GABRB2: variants seen among roughly 807,000 people sequenced by gnomAD.
The protein encoded by GABRB2 is gamma-aminobutyric acid receptor subunit beta-2.
GABRB2 carries 16 observed loss-of-function variants against 54.7 expected under a neutral mutation model. The observed-to-expected ratio is 0.29, with a 90% CI of 0.20 to 0.44. The LOEUF is 0.44. GABRB2 is among the 20% of genes least tolerant of loss of function. The pLI, the probability that GABRB2 is intolerant of heterozygous loss-of-function variation, is 1.00. For missense variants in GABRB2, 355 were observed against 644.0 expected, an observed-to-expected ratio of 0.55 and a Z score of 4.86; for synonymous variants, 244 against 233.8, an observed-to-expected ratio of 1.04 and a Z score of -0.40.
chr5:161,305,001 A>ATT lies in GABRB2; in HGVS notation c.1192-10575_1192-10574dup, dbSNP rs544511446. Among the ~76,000 whole-genome samples, 165 of 95,176 alleles carry ATT rather than the reference A, an allele frequency of 1.7e-3. 4 individuals are homozygous for ATT. Among genetic ancestry groups the ATT allele is most frequent in the Non-Finnish European group, 2.5e-3 (129 of 51,186 alleles). 62.4% of individuals were successfully genotyped at this position (95,176 alleles called of 152,430 possible). The stretch of plus-strand genomic sequence containing the variant: ...AGAAAACTATATTTATGATATATCA[A>ATT]TTTTTTTTTTTTTTTTTTTTTTTTT... On this transcript the variant is annotated intron_variant, in intron 9 of 9. Coordinates refer to ENST00000393959, the MANE Select transcript of GABRB2 (RefSeq NM_001371727.1).
chr5:161,343,201 T>C (rs1224648141), intron 5 of GABRB2, among the ~76,000 whole-genome samples: 1 of 151,976 alleles, frequency 6.6e-6, no homozygotes, highest in Non-Finnish European at 1.5e-5. Context: ...GCTCTTTAGA[T>C]GAACTGCTAG....
Position 161,464,317 on chromosome 5 carries a change from G to A in GABRB2, c.238-4473C>T, listed in dbSNP as rs114251939. ...ACACTTAACCAAAGATACAAATATAGTAAATAAGTTTATAAAATGATGCTC... is the reference window on the plus strand; with the variant it reads ...ACACTTAACCAAAGATACAAATATAATAAATAAGTTTATAAAATGATGCTC... On this transcript the variant is annotated intron_variant, in intron 3 of 9. Coordinates refer to ENST00000393959, the MANE Select transcript of GABRB2 (RefSeq NM_001371727.1). Among the ~76,000 whole-genome samples, 373 of 152,032 alleles carry A rather than the reference G, an allele frequency of 2.5e-3. 3 individuals are homozygous for A. Among genetic ancestry groups the A allele is most frequent in the African/African-American group, 8.8e-3 (364 of 41,538 alleles).
chr5:161,445,429 A>G (rs1362487241), intron 4 of GABRB2, among the ~76,000 whole-genome samples: 1 of 151,268 alleles, frequency 6.6e-6, no homozygotes, highest in Non-Finnish European at 1.5e-5. Flanking sequence ...AAGCCCCCCA[A>G]TCCCCACCAT....
chr5:161,331,477 T>C (rs1431335645), intron 7 of GABRB2, among the ~76,000 whole-genome samples: 1 of 152,080 alleles, frequency 6.6e-6, no homozygotes. Context: ...GTGCCAGGGA[T>C]GAGGTTAGGA....
intron 3 of GABRB2, among the ~76,000 whole-genome samples, chr5:161,467,479 T>C (rs541135247): frequency 6.6e-5 from 10 of 152,210 alleles, no homozygotes; most frequent in African/African-American, 2.4e-4. Context: ...GCAAGTGTTA[T>C]TTAATTTAAA....
intron 3 of GABRB2, among the ~76,000 whole-genome samples, chr5:161,489,345 T>C (rs1314885328): frequency 2.6e-5 from 4 of 151,702 alleles, no homozygotes; most frequent in African/African-American, 4.8e-5. Flanking sequence ...ATGGGTAACA[T>C]TGATTTAGCT....
At chr5:161,421,492 G>A (rs1023466584) in intron 4 of GABRB2, among the ~76,000 whole-genome samples, 1 of 152,184 alleles carries the variant, frequency 6.6e-6, no homozygotes, top group Non-Finnish European at 1.5e-5. Context: ...TAAGGCACTT[G>A]CTGAAAGTTC....
At chr5:161,487,296 C>A (rs1339345472) in intron 3 of GABRB2, among the ~76,000 whole-genome samples, 4 of 151,838 alleles carry the variant, frequency 2.6e-5, no homozygotes, top group African/African-American at 4.8e-5. Flanking sequence ...ATCACAGAGA[C>A]CTTCAATACT....
chr5:161,358,666 C>A (rs1378101834), intron 5 of GABRB2, among the ~76,000 whole-genome samples: 3 of 152,010 alleles, frequency 2.0e-5, no homozygotes, highest in Non-Finnish European at 4.4e-5. Flanking sequence ...GGTGTGGATT[C>A]TGGTAGGTGG....
At chr5:161,343,048 A>G (rs1479321400) in intron 5 of GABRB2, among the ~76,000 whole-genome samples, 1 of 152,042 alleles carries the variant, frequency 6.6e-6, no homozygotes, top group Non-Finnish European at 1.5e-5. Flanking sequence ...AGTCAATGCC[A>G]ATTAGAGTCA....
intron 3 of GABRB2, among the ~76,000 whole-genome samples, chr5:161,500,398 G>A (rs1476781239): frequency 6.6e-6 from 1 of 152,144 alleles, no homozygotes; most frequent in Admixed American, 6.5e-5. Context: ...AAAGAACACA[G>A]CCTTCCTTAG....
chr5:161,519,593 T>C (rs1478865052), intron 3 of GABRB2, among the ~76,000 whole-genome samples: 3 of 152,110 alleles, frequency 2.0e-5, no homozygotes, highest in Admixed American at 1.3e-4. Context: ...ACCTTGTTAC[T>C]TGTAAATCTC....
chr5:161,343,767 G>T lies in GABRB2; in HGVS notation c.542-6998C>A, dbSNP rs150878148. Among the ~76,000 whole-genome samples the T allele has an allele frequency of 6.6e-5, 10 of 152,176 alleles. No individual in the cohort carries two copies. The East Asian group carries it at 1.9e-3, about 30-fold the overall frequency. On this transcript the variant is annotated intron_variant, in intron 5 of 9. Transcript: ENST00000393959. Reference sequence around the variant, plus strand: ...TCTTTATAAGGTCCGTCTCTACAGAGAACTGAAGTGTTATCATTATCAGGA... The same window carrying T: ...TCTTTATAAGGTCCGTCTCTACAGATAACTGAAGTGTTATCATTATCAGGA...
chr5:161,479,585 ATTTTTT>A (rs10691457), intron 3 of GABRB2, among the ~76,000 whole-genome samples: 1 of 137,662 alleles, frequency 7.3e-6, no homozygotes, highest in Non-Finnish European at 1.5e-5. Context: ...CATTGAAACA[ATTTTTT>A]TTTTTTTTTT....
At chr5:161,499,771 G>T (rs1026105135) in intron 3 of GABRB2, among the ~76,000 whole-genome samples, 1 of 152,160 alleles carries the variant, frequency 6.6e-6, no homozygotes, top group Admixed American at 6.5e-5. Flanking sequence ...ATTCTAGGAG[G>T]ATGCATAAGG....
intron 5 of GABRB2, among the ~76,000 whole-genome samples, chr5:161,363,670 C>A (rs1357437182): frequency 1.3e-5 from 2 of 152,076 alleles, no homozygotes; most frequent in African/African-American, 2.4e-5. Flanking sequence ...CCACTGCACT[C>A]CAGCCTGTGC....
intron 3 of GABRB2, among the ~76,000 whole-genome samples, chr5:161,465,388 G>T (rs1468662593): frequency 1.3e-5 from 2 of 152,046 alleles, no homozygotes; most frequent in Admixed American, 6.6e-5. Context: ...GTACAACAAT[G>T]CACTTAGAGT....
chr5:161,365,489 T>A (rs1754945888), intron 5 of GABRB2, among the ~76,000 whole-genome samples: 1 of 152,222 alleles, frequency 6.6e-6, no homozygotes. Context: ...GGGTACATAG[T>A]GATGTTTTAA....
chr5:161,420,996 C>T (rs1261544991), intron 4 of GABRB2, among the ~76,000 whole-genome samples: 1 of 152,156 alleles, frequency 6.6e-6, no homozygotes, highest in Non-Finnish European at 1.5e-5. Context: ...TCATAACCCA[C>T]CTAAGGAGCC....
Sources: gnomAD v4.1 joint callset for allele counts (sites outside exome capture counted in the v4.1 genomes callset) on GRCh38, gnomAD v4.1.1 for gene constraint, MANE v1.5 for transcripts, NCBI Gene and HGNC (gene_info 2026-07-23, HGNC 2026-07-21) for gene names.